The following PEX14 variants were observed in gnomAD, a reference collection of about 807,000 sequenced individuals.
The protein encoded by PEX14 is peroxisomal biogenesis factor 14, also known as peroxisomal membrane protein PEX14.
PEX14 carries 15 observed loss-of-function variants against 49.5 expected under a neutral mutation model. The ratio of observed to expected loss-of-function variants is 0.30; its 90% CI spans 0.20 to 0.47. The LOEUF is 0.47. Ranked by LOEUF, PEX14 falls within the 20% of genes least tolerant of loss-of-function variation. The probability of loss-of-function intolerance (pLI) is 1.00; values close to 1 mark genes in which losing one functional copy is unlikely to be tolerated. For missense variants in PEX14, 398 were observed against 494.8 expected (o/e 0.80, Z 1.86); for synonymous variants, 210 against 212.7 (o/e 0.99, Z 0.11).
chr1:10,601,104 A>G (rs906583440), intron 4 of PEX14, among the ~76,000 whole-genome samples: 3 of 152,134 alleles, frequency 2.0e-5, no homozygotes, highest in Non-Finnish European at 4.4e-5. Context: ...TCTAATAAAA[A>G]TACAAAAATT....
intron 3 of PEX14, among the ~76,000 whole-genome samples, chr1:10,585,588 G>A (rs575019841): frequency 1.9e-4 from 29 of 152,354 alleles, no homozygotes; most frequent in African/African-American, 6.7e-4. Flanking sequence ...CTAACCACAA[G>A]AAACTCGGTA....
intron 3 of PEX14, among the ~76,000 whole-genome samples, chr1:10,577,878 A>G (rs1640197685): frequency 6.6e-6 from 1 of 151,502 alleles, no homozygotes; most frequent in Admixed American, 6.6e-5. Flanking sequence ...TTTTAAAAAT[A>G]TAGTTTGAAG....
chr1:10,553,755 T>A (rs1639401164), intron 3 of PEX14, among the ~76,000 whole-genome samples: 1 of 152,166 alleles, frequency 6.6e-6, no homozygotes, highest in Non-Finnish European at 1.5e-5. Flanking sequence ...CACTCCTTTG[T>A]CATCTGTTTC....
chr1:10,523,414 T>C (rs1387293449), intron 2 of PEX14, among the ~76,000 whole-genome samples: 5 of 152,164 alleles, frequency 3.3e-5, no homozygotes, highest in African/African-American at 4.8e-5. Context: ...AGAGATGAAA[T>C]CTGGAAAGAC....
intron 3 of PEX14, among the ~76,000 whole-genome samples, chr1:10,580,905 C>A (rs1640296514): frequency 6.6e-6 from 1 of 151,950 alleles, no homozygotes; most frequent in Non-Finnish European, 1.5e-5. Context: ...CAACTTTATT[C>A]CCATTTTACA....
At chr1:10,520,145 C>CTTTTTTTTTTTTTTTT (rs1412156646) in intron 2 of PEX14, among the ~76,000 whole-genome samples, 1 of 64,448 alleles carries the variant, frequency 1.6e-5, no homozygotes, top group African/African-American at 5.9e-5. Context: ...TGGCCTTCTT[C>CTTTTTTTTTTTTTTTT]TTCTTTTTTT....
Position 10,623,158 on chromosome 1 carries a change from G to A in PEX14, c.487+37G>A, listed in dbSNP as rs768332285. The A allele has an allele frequency of 2.1e-6, 3 of 1,422,394 alleles. No homozygotes were observed. In the South Asian group the frequency reaches 3.5e-5, roughly 17 times the overall value. 88.1% of individuals were successfully genotyped at this position (1,422,394 alleles called of 1,614,324 possible). ...TGACTCCATCAAGTCACCCCTCACA[G>A]CCTTCTCCAAGCAGCCCCTTCTCTG... On this transcript the variant is annotated intron_variant, in intron 6 of 8. Transcript: ENST00000356607. The surrounding 1 kb of genome is among the most constrained non-coding windows in gnomAD (Gnocchi z 4.4).
chr1:10,570,848 G>GTTTGTTTTTT (rs71583883), intron 3 of PEX14, among the ~76,000 whole-genome samples: 4 of 113,908 alleles, frequency 3.5e-5, no homozygotes, highest in Non-Finnish European at 7.0e-5. Context: ...TGTCAACAGG[G>GTTTGTTTTTT]TTTTTTTTTT....
At chr1:10,566,580 T>C (rs7527873) in intron 3 of PEX14, among the ~76,000 whole-genome samples, 147,635 of 152,132 alleles carry the variant, frequency 0.97, 71,787 homozygotes, top group East Asian at 1. Context: ...CCTCCGCCTC[T>C]TGAGTTCAAG....
At chr1:10,589,561 TTTTG>T (rs59290449) in intron 3 of PEX14, among the ~76,000 whole-genome samples, 109,551 of 149,936 alleles carry the variant, frequency 0.73, 41,630 homozygotes, top group Non-Finnish European at 0.85. Context: ...ATTTTTGTAG[TTTTG>T]TTTGTTTGTT....
intron 2 of PEX14, among the ~76,000 whole-genome samples, chr1:10,496,800 T>A (rs1189747974): frequency 6.6e-6 from 1 of 151,946 alleles, no homozygotes; most frequent in East Asian, 1.9e-4. Flanking sequence ...TGGGAGGCCC[T>A]GAGCAGTCTT....
In PEX14 at chr1:10,529,331, C is replaced by G. The variant is rs1190088833; in HGVS notation, c.85-6882C>G. On this transcript the variant is annotated intron_variant, in intron 2 of 8. Coordinates refer to ENST00000356607, the MANE Select transcript of PEX14 (RefSeq NM_004565.3). The surrounding 1 kb of genome is among the most constrained non-coding windows in gnomAD (Gnocchi z 4.2). ...GCTCTGCTTTTCAAGCTGTGCTCCTCCACTGCACCAGCGCCCTTTGGGCTG... is the reference window on the plus strand; with the variant it reads ...GCTCTGCTTTTCAAGCTGTGCTCCTGCACTGCACCAGCGCCCTTTGGGCTG... Among the ~76,000 whole-genome samples the G allele has an allele frequency of 6.6e-6, 1 of 152,256 alleles. No homozygotes were observed. The highest frequency in any genetic ancestry group is 1.5e-5 in the Non-Finnish European group (1 of 68,044).
intron 3 of PEX14, among the ~76,000 whole-genome samples, chr1:10,568,518 A>G (rs1639879334): frequency 6.6e-6 from 1 of 152,104 alleles, no homozygotes; most frequent in Admixed American, 6.6e-5. Flanking sequence ...ACAGTGAATC[A>G]TTATTATATT....
rs3790636 is a variant in PEX14 at position 10,628,590 on chromosome 1, C to T, written c.678-941C>T. Among the ~76,000 whole-genome samples, 10 of 152,262 alleles carry T rather than the reference C, an allele frequency of 6.6e-5. No homozygotes were observed. The highest frequency in any genetic ancestry group is 1.2e-4 in the African/African-American group (5 of 41,484). ...GGAGACAGCCTCCATTTTCCCTAAC[C>T]GAGACCAGTGCCTTGGAGGCTGGGG... On this transcript the variant is annotated intron_variant, in intron 8 of 8. Transcript: ENST00000356607. The surrounding 1 kb of genome is among the most constrained non-coding windows in gnomAD (Gnocchi z 4.5).
chr1:10,611,334 T>C (rs972531810), intron 4 of PEX14, among the ~76,000 whole-genome samples: 17 of 152,176 alleles, frequency 1.1e-4, no homozygotes, highest in African/African-American at 4.1e-4. Flanking sequence ...TAAAGTAGGA[T>C]TGGCCAACTG....
intron 2 of PEX14, among the ~76,000 whole-genome samples, chr1:10,509,361 CAGTA>C (rs1557818316): frequency 1.3e-5 from 2 of 152,202 alleles, no homozygotes. Context: ...CATCATTTGA[CAGTA>C]AGGTGGTTTA....
chr1:10,580,035 G>A (rs568645789), intron 3 of PEX14, among the ~76,000 whole-genome samples: 3 of 151,928 alleles, frequency 2.0e-5, no homozygotes, highest in East Asian at 1.9e-4. Flanking sequence ...ATAAAGAGCC[G>A]TGGGAATGTT....
intron 3 of PEX14, among the ~76,000 whole-genome samples, chr1:10,556,824 CAG>C (rs1318681199): frequency 1.3e-5 from 2 of 152,148 alleles, no homozygotes; most frequent in Admixed American, 6.5e-5. Context: ...ACCCTGGGGA[CAG>C]GGGAGAGTAT....
chr1:10,575,812 C>T (rs924697018), intron 3 of PEX14, among the ~76,000 whole-genome samples: 5 of 152,078 alleles, frequency 3.3e-5, no homozygotes, highest in African/African-American at 4.8e-5. Flanking sequence ...AGTGTTGACT[C>T]ATAGGATATG....
Sources: gnomAD v4.1 joint callset for allele counts (sites outside exome capture counted in the v4.1 genomes callset) on GRCh38, gnomAD v4.1.1 for gene constraint, Gnocchi (gnomAD v3.1) non-coding constraint, MANE v1.5 for transcripts, NCBI Gene and HGNC (gene_info 2026-07-23, HGNC 2026-07-21) for gene names.